DSTYK: variants seen among roughly 807,000 people sequenced by gnomAD.
The protein encoded by DSTYK is dual serine/threonine and tyrosine protein kinase.
In DSTYK, 34 loss-of-function variants were observed where a neutral mutation model predicts 98.7. That is an observed-to-expected ratio of 0.34 (90% CI 0.26 to 0.46). The LOEUF (loss-of-function observed/expected upper bound fraction) is 0.46. DSTYK is among the 20% of genes least tolerant of loss of function. The pLI is 1.00. For synonymous variants in DSTYK, 462 were observed against 457.3 expected, an observed-to-expected ratio of 1.01 and a Z score of -0.13; for missense variants, 962 against 1,181.7, an observed-to-expected ratio of 0.81 and a Z score of 2.73.
chr1:205,144,067 C>T lies in DSTYK; in HGVS notation c.*3491G>A. On this transcript the variant is annotated 3_prime_UTR_variant, in exon 13 of 13. Transcript: ENST00000367162. ...CCTGGGGAAACCCCACCCAAATGAG[C>T]CATGCCAGACAGCCCTTGCCATCAG... 1 of 152,758 alleles carries T rather than the reference C, an allele frequency of 6.5e-6. No individual in the cohort carries two copies. Among genetic ancestry groups the T allele is most frequent in the Non-Finnish European group, 1.5e-5 (1 of 68,076 alleles). The allele number at this position is 152,758 out of a possible 1,614,324, so 9.5% of individuals were successfully genotyped here. A position where few individuals can be genotyped will look rare whatever the true frequency, so the allele number is the denominator to read the frequency against.
intron 11 of DSTYK, among the ~76,000 whole-genome samples, chr1:205,148,645 T>G (rs1657314857): frequency 6.6e-6 from 1 of 152,146 alleles, no homozygotes; most frequent in African/African-American, 2.4e-5. Context: ...AAAGGTCATA[T>G]TAGGGAAATA....
intron 2 of DSTYK, among the ~76,000 whole-genome samples, chr1:205,174,430 T>G (rs1338643374): frequency 6.6e-6 from 1 of 151,232 alleles, no homozygotes. Flanking sequence ...GAAGAATCAC[T>G]TGAACCCAGA....
At chr1:205,208,624 A>C (rs1659275166) in intron 1 of DSTYK, among the ~76,000 whole-genome samples, 1 of 152,208 alleles carries the variant, frequency 6.6e-6, no homozygotes, top group African/African-American at 2.4e-5. Flanking sequence ...CTGTAATTCC[A>C]GCACTTTGGG....
chr1:205,197,770 G>A (rs1658909373), intron 1 of DSTYK, among the ~76,000 whole-genome samples: 1 of 152,192 alleles, frequency 6.6e-6, no homozygotes, highest in African/African-American at 2.4e-5. Flanking sequence ...TCAAGGCACT[G>A]ATCTAAGCAA....
chr1:205,160,091 A>C, intron 8 of DSTYK, 23 bp downstream of exon 8: 1 of 1,613,392 alleles, frequency 6.2e-7, no homozygotes, highest in Non-Finnish European at 8.5e-7. Context: ...TTTCTCATAG[A>C]GATGAATGAG....
intron 2 of DSTYK, among the ~76,000 whole-genome samples, chr1:205,186,470 A>T (rs747939898): frequency 7.2e-5 from 11 of 152,252 alleles, no homozygotes; most frequent in Admixed American, 2.6e-4. Flanking sequence ...ATTGACTGAG[A>T]AACTAAGCTT....
chr1:205,165,249 C>T (rs534922000), intron 3 of DSTYK, among the ~76,000 whole-genome samples: 91 of 152,122 alleles, frequency 6.0e-4, no homozygotes, highest in African/African-American at 1.8e-3. Context: ...CCCACCACCA[C>T]GCCAGACTAA....
intron 1 of DSTYK, among the ~76,000 whole-genome samples, chr1:205,210,948 T>C (rs537398895): frequency 5.3e-5 from 8 of 152,140 alleles, no homozygotes; most frequent in Non-Finnish European, 1.0e-4. Context: ...CTCCTCGGAT[T>C]AACTGCTACC....
Position 205,163,930 on chromosome 1 carries a change from T to C in DSTYK, c.1350A>G (p.Glu450=). The part of the protein sequence containing the change: ...FKDVIVPENG[E]PVGTREIKCC... ...ATTTGATCTCTCTGGTGCCTACTGG[T>C]TCTCCATTCTCAGGGACAATGACGT... The change falls in exon 4 of 13, where the codon GAA becomes GAG. Residue 450 remains glutamate (E), a synonymous_variant. Transcript: ENST00000367162. 6.2e-7 allele frequency: 1 copy of C among 1,614,148 alleles called. No homozygotes were observed. Among genetic ancestry groups the C allele is most frequent in the Non-Finnish European group, 8.5e-7 (1 of 1,180,014 alleles).
At chr1:205,205,472 G>A (rs540447240) in intron 1 of DSTYK, among the ~76,000 whole-genome samples, 7 of 151,724 alleles carry the variant, frequency 4.6e-5, no homozygotes, top group African/African-American at 1.5e-4. Flanking sequence ...TTGAGACACA[G>A]TCTCACTCTA....
intron 2 of DSTYK, among the ~76,000 whole-genome samples, chr1:205,185,800 G>A (rs906797127): frequency 2.0e-5 from 3 of 152,066 alleles, no homozygotes; most frequent in Admixed American, 6.6e-5. Context: ...GAGGTGGGTG[G>A]ATCACTGAGG....
intron 1 of DSTYK, among the ~76,000 whole-genome samples, chr1:205,203,559 G>A (rs111666208): frequency 0.031 from 374 of 11,996 alleles, 21 homozygotes; most frequent in Non-Finnish European, 0.066. Flanking sequence ...GGGAGGGGAG[G>A]GGAGGGGAGG....
intron 3 of DSTYK, 145 bp from the exon 4 acceptor site, chr1:205,164,100 C>T (rs753511569): frequency 1.4e-6 from 1 of 699,034 alleles, no homozygotes; most frequent in South Asian, 1.8e-5. Flanking sequence ...ATGTCTAACT[C>T]TCACAATGAT....
intron 10 of DSTYK, among the ~76,000 whole-genome samples, chr1:205,153,317 T>C (rs982281356): frequency 5.3e-5 from 8 of 151,982 alleles, no homozygotes; most frequent in African/African-American, 1.9e-4. Flanking sequence ...GACTGGAGGG[T>C]TCATGACCAT....
At chr1:205,198,532 G>A (rs567903100) in intron 1 of DSTYK, among the ~76,000 whole-genome samples, 99 of 152,002 alleles carry the variant, frequency 6.5e-4, no homozygotes, top group Middle Eastern at 3.4e-3. Context: ...CCTAGATATC[G>A]CCATAATATT....
In DSTYK at chr1:205,150,873, G is replaced by A. The variant is rs1558597963; in HGVS notation, c.2353-79C>T. The A allele has an allele frequency of 4.5e-6, 5 of 1,118,612 alleles. No individual in the cohort carries two copies. In the Admixed American group the frequency reaches 9.3e-5, roughly 21 times the overall value. The allele number at this position is 1,118,612 out of a possible 1,614,324, so 69.3% of individuals were successfully genotyped here. The stretch of plus-strand genomic sequence containing the variant: ...TGCTGCGTACCTAAGCTCAAAGGTA[G>A]GTACCTCAAAGTAGTGTCACTGGAT... On this transcript the variant is annotated intron_variant, in intron 10 of 12. Transcript: ENST00000367162. The surrounding 1 kb of genome is among the most constrained non-coding windows in gnomAD (Gnocchi z 4.1).
At chr1:205,147,909 A>G (rs1023170164) in intron 12 of DSTYK, among the ~76,000 whole-genome samples, 164 bp from the exon 13 acceptor site, 3 of 119,236 alleles carry the variant, frequency 2.5e-5, no homozygotes, top group Non-Finnish European at 6.3e-5. Flanking sequence ...TAACAGTAAG[A>G]GCAATTAAAA....
At position 205,157,376 on chromosome 1, in the gene DSTYK, G is replaced by T; in HGVS notation, c.2249C>A (p.Thr750Asn). The change falls in exon 10 of 13, where the codon ACC becomes AAC. Residue 750 changes from threonine (T) to asparagine (N), a missense_variant. Thr to Asn is a moderately conservative substitution (Grantham distance 65, BLOSUM62 0). Around this residue, in one of 4 missense-constraint regions of DSTYK, gnomAD observed 660 missense variants for 855.0 expected, o/e 0.77. Transcript: ENST00000367162. ...DLYTGLKAGL[T>N]LETRLQIALD... ...TGCTATCTGCAAACGTGTCTCCAGG[G>T]TCAGCCCAGCCTTGGGGAGACAAAA... The T allele has an allele frequency of 6.2e-7, 1 of 1,614,096 alleles. No individual in the cohort carries two copies.
chr1:205,150,799 C>T lies in DSTYK; in HGVS notation c.2353-5G>A. On this transcript the variant is annotated splice_region_variant and splice_polypyrimidine_tract_variant and intron_variant, in intron 10 of 12. Coordinates refer to ENST00000367162, the MANE Select transcript of DSTYK (RefSeq NM_015375.3). This position sits in a 1 kb window ranked among gnomAD's most constrained non-coding sequence, Gnocchi z 4.1. Reference sequence around the variant, plus strand: ...GGCACGGTTCTGCTTATCCAGCTGCCAACAAAGCAGGGCAAGAGTCACCTT... The same window carrying T: ...GGCACGGTTCTGCTTATCCAGCTGCTAACAAAGCAGGGCAAGAGTCACCTT... 2 of 1,612,972 alleles carry T rather than the reference C, an allele frequency of 1.2e-6. No homozygotes were observed. The highest frequency in any genetic ancestry group is 1.7e-6 in the Non-Finnish European group (2 of 1,179,026).
Sources: allele counts gnomAD v4.1 joint callset (sites outside exome capture counted in the v4.1 genomes callset), GRCh38; gene constraint gnomAD v4.1.1; regional missense constraint gnomAD v4.1.1; non-coding constraint Gnocchi (gnomAD v3.1); transcripts MANE v1.5; gene names NCBI Gene and HGNC (gene_info 2026-07-23, HGNC 2026-07-21).